The following SLC36A3 variants were observed in gnomAD, a reference collection of about 807,000 sequenced individuals.
SLC36A3 encodes proton-coupled amino acid transporter 3.
SLC36A3 carries 35 observed loss-of-function variants against 44.3 expected under a neutral mutation model. The observed-to-expected ratio is 0.79, with a 90% CI of 0.60 to 1.05. The LOEUF is 1.05. Ranked by LOEUF, SLC36A3 falls within the 50% of genes least tolerant of loss-of-function variation. The pLI, the probability that SLC36A3 is intolerant of heterozygous loss-of-function variation, is 0.00. For synonymous variants in SLC36A3, 211 were observed against 227.6 expected (o/e 0.93, Z 0.66); for missense variants, 540 against 578.7 (o/e 0.93, Z 0.69).
intron 3 of SLC36A3, among the ~76,000 whole-genome samples, chr5:151,295,665 A>G (rs1284458920): frequency 4.6e-5 from 7 of 152,208 alleles, no homozygotes; most frequent in African/African-American, 1.7e-4. Flanking sequence ...TTTTTGCATT[A>G]AAGTTTCAAA....
In SLC36A3 at chr5:151,296,161, A is replaced by G. The variant is rs373381143; in HGVS notation, c.308+19T>C. The G allele has an allele frequency of 4.2e-5, 67 of 1,613,508 alleles. No homozygotes were observed. In the African/African-American group the frequency reaches 8.7e-4, roughly 21 times the overall value. ...AGAGGGGCCCCAGTGCTGGAATGAG[A>G]GAGAAGCAGGCCTCTGACCTCTGGC... On this transcript the variant is annotated intron_variant, in intron 3 of 9. Coordinates refer to ENST00000335230, the MANE Select transcript of SLC36A3 (RefSeq NM_181774.4).
chr5:151,299,260 CTCTCTATATATATA>C (rs1260692616), intron 1 of SLC36A3, among the ~76,000 whole-genome samples: 162 of 65,462 alleles, frequency 2.5e-3, no homozygotes, highest in Admixed American at 5.4e-3. Context: ...CTCTCTCTCT[CTCTCTATATATATA>C]TATATATATA....
intron 1 of SLC36A3, among the ~76,000 whole-genome samples, chr5:151,299,262 C>CTATATATATATA (rs1483618702): frequency 2.0e-4 from 13 of 64,440 alleles, no homozygotes; most frequent in South Asian, 7.2e-4. Flanking sequence ...CTCTCTCTCT[C>CTATATATATATA]TCTATATATA....
chr5:151,285,627 T>C (rs1438082899), intron 6 of SLC36A3, among the ~76,000 whole-genome samples: 1 of 152,240 alleles, frequency 6.6e-6, no homozygotes, highest in African/African-American at 2.4e-5. Flanking sequence ...TATGTTATGT[T>C]ACATGGCGAG....
Position 151,298,630 on chromosome 5 carries a change from A to G in SLC36A3, c.182T>C (p.Leu61Pro), listed in dbSNP as rs1315752793. ...ATTCTTTATGGCCAGGGGAAGCCCCAGGAGCCCTGTGCCAATGTTGCATTT... is the reference window on the plus strand; with the variant it reads ...ATTCTTTATGGCCAGGGGAAGCCCCGGGAGCCCTGTGCCAATGTTGCATTT... ...LLKCNIGTGL[L>P]GLPLAIKNAG... is the part of the protein sequence containing the mutation. Residue 61 changes from leucine to proline, a missense_variant, in exon 2 of 10, where the codon CTG becomes CCG. Coordinates refer to ENST00000335230, the MANE Select transcript of SLC36A3 (RefSeq NM_181774.4). 1 of 1,614,260 alleles carries G rather than the reference A, an allele frequency of 6.2e-7. No homozygotes were observed. Among genetic ancestry groups the G allele is most frequent in the Non-Finnish European group, 8.5e-7 (1 of 1,180,044 alleles).
intron 8 of SLC36A3, among the ~76,000 whole-genome samples, chr5:151,283,716 C>T (rs535989973): frequency 5.6e-4 from 86 of 152,332 alleles, no homozygotes; most frequent in African/African-American, 2.0e-3. Context: ...CTCATGAATG[C>T]TTACCACGTG....
At chr5:151,298,498 AATTGCCC>A in intron 2 of SLC36A3, 88 bp downstream of exon 2, 1 of 1,212,152 alleles carries the variant, frequency 8.2e-7, no homozygotes, top group East Asian at 2.5e-5. Context: ...GGTACCCCCA[AATTGCCC>A]ATTGATAACA....
intron 4 of SLC36A3, among the ~76,000 whole-genome samples, chr5:151,291,487 C>G (rs559849583): frequency 6.6e-6 from 1 of 152,104 alleles, no homozygotes; most frequent in South Asian, 2.1e-4. Flanking sequence ...CTGAAGATAC[C>G]AGATCATTTG....
Position 151,287,330 on chromosome 5 carries a change from G to A in SLC36A3, c.624C>T (p.Asn208=). 1.9e-6 allele frequency: 3 copies of A among 1,614,164 alleles called. No individual in the cohort carries two copies. The highest frequency in any genetic ancestry group is 2.5e-6 in the Non-Finnish European group (3 of 1,180,032). The change falls in exon 6 of 10, where the codon AAC becomes AAT. Residue 208 remains asparagine, a synonymous_variant. Transcript: ENST00000335230. ...TCGAGAAGACGGACAGCACCTTGAG[G>A]TTCTGGATAAACACCAACAGGATCA... ...PFLILLVFIQ[N]LKVLSVFSTL...
chr5:151,283,877 C>G (rs1286301873), intron 8 of SLC36A3, among the ~76,000 whole-genome samples, 167 bp downstream of exon 8: 3 of 152,236 alleles, frequency 2.0e-5, no homozygotes, highest in Non-Finnish European at 2.9e-5. Context: ...GAGTGAGGTG[C>G]GGCCATGTGG....
intron 1 of SLC36A3, among the ~76,000 whole-genome samples, chr5:151,299,031 T>C (rs1164454031): frequency 6.6e-6 from 1 of 152,104 alleles, no homozygotes; most frequent in Non-Finnish European, 1.5e-5. Flanking sequence ...TGTGACCTAA[T>C]ACATGTCTAT....
At position 151,288,705 on chromosome 5, in the gene SLC36A3, T is replaced by C. The variant is rs375830889; in HGVS notation, c.405-235A>G. 1.0e-3 allele frequency among the ~76,000 whole-genome samples: 157 copies of C among 151,312 alleles called. No homozygotes were observed. The Middle Eastern group carries it at 0.014, about 13-fold the overall frequency. ...ATTTTTGGCCCCAAATTGCATTACA[T>C]ATATATATAATATATATGTATATAT... On this transcript the variant is annotated intron_variant, in intron 4 of 9. Coordinates refer to ENST00000335230, the MANE Select transcript of SLC36A3 (RefSeq NM_181774.4).
At chr5:151,289,422 G>A (rs563904051) in intron 4 of SLC36A3, among the ~76,000 whole-genome samples, 1 of 152,002 alleles carries the variant, frequency 6.6e-6, no homozygotes, top group East Asian at 1.9e-4. Flanking sequence ...CTTGAGCCCA[G>A]GAGGTTGAGG....
intron 6 of SLC36A3, among the ~76,000 whole-genome samples, chr5:151,285,419 C>T (rs1754499568): frequency 6.6e-6 from 1 of 152,154 alleles, no homozygotes; most frequent in African/African-American, 2.4e-5. Context: ...GTGGCACAGC[C>T]CAGATAAGAA....
intron 2 of SLC36A3, 81 bp downstream of exon 2, chr5:151,298,512 A>G: frequency 3.6e-6 from 5 of 1,373,898 alleles, no homozygotes; most frequent in Non-Finnish European, 5.1e-6. Flanking sequence ...GCCCATTGAT[A>G]ACAGTGTGAA....
intron 4 of SLC36A3, among the ~76,000 whole-genome samples, chr5:151,292,889 A>C (rs559386005): frequency 9.2e-5 from 14 of 152,232 alleles, no homozygotes; most frequent in Admixed American, 2.0e-4. Flanking sequence ...GAGGCTGAGG[A>C]AGGAGAGCTG....
chr5:151,281,324 A>T (rs1754307357), intron 8 of SLC36A3, 141 bp from the exon 9 acceptor site: 2 of 755,532 alleles, frequency 2.6e-6, no homozygotes, highest in African/African-American at 3.6e-5. Context: ...AATCCAAAAC[A>T]CTTCTGGTCC....
chr5:151,287,408 C>T lies in SLC36A3; in HGVS notation c.546G>A (p.Thr182=), dbSNP rs760699372. 3.7e-6 allele frequency: 6 copies of T among 1,614,090 alleles called. No homozygotes were observed. Among genetic ancestry groups the T allele is most frequent in the South Asian group, 3.3e-5 (3 of 91,078 alleles). ...SNICQPREIL[T]LTPILDIRFY... is the part of the protein sequence containing the mutation. ...AACGAATGTCCAGGATGGGGGTCAG[C>T]GTCAGAATCTCCCTGGGCTGGCAGA... The change falls in exon 6 of 10, where the codon ACG becomes ACA. Residue 182 remains threonine, a synonymous_variant. Coordinates refer to ENST00000335230, the MANE Select transcript of SLC36A3 (RefSeq NM_181774.4).
intron 1 of SLC36A3, among the ~76,000 whole-genome samples, chr5:151,301,741 A>T (rs1755171180): frequency 6.6e-6 from 1 of 152,068 alleles, no homozygotes; most frequent in Admixed American, 6.5e-5. Context: ...AAAAAAAAAA[A>T]AAAAAACCTC....
Sources: allele counts gnomAD v4.1 joint callset (sites outside exome capture counted in the v4.1 genomes callset), GRCh38; gene constraint gnomAD v4.1.1; transcripts MANE v1.5; gene names NCBI Gene and HGNC (gene_info 2026-07-23, HGNC 2026-07-21).